PDE4C: variants seen among roughly 807,000 people sequenced by gnomAD.
The protein encoded by PDE4C is phosphodiesterase 4C, also known as 3',5'-cyclic-AMP phosphodiesterase 4C.
PDE4C carries 50 observed loss-of-function variants against 63.9 expected under a neutral mutation model. The observed-to-expected ratio is 0.78, with a 90% CI of 0.62 to 0.99. PDE4C has a LOEUF of 0.99. Among genes scored for constraint, PDE4C ranks in the 50% least tolerant of loss-of-function variants. PDE4C has a pLI of 0.00. For synonymous variants in PDE4C, 377 were observed against 385.1 expected, an observed-to-expected ratio of 0.98 and a Z score of 0.25; for missense variants, 777 against 899.1, an observed-to-expected ratio of 0.86 and a Z score of 1.74.
chr19:18,243,813 T>C (rs146109927), intron 1 of PDE4C, among the ~76,000 whole-genome samples: 1 of 152,212 alleles, frequency 6.6e-6, no homozygotes, highest in East Asian at 1.9e-4. Context: ...TGGGGTGTCC[T>C]CTGGTCTCAG....
intron 1 of PDE4C, chr19:18,248,166 C>T (rs1338849568): frequency 2.2e-6 from 1 of 456,348 alleles, no homozygotes; most frequent in South Asian, 1.5e-5. Flanking sequence ...ATGTCTGGCA[C>T]TTACCACCAC....
In PDE4C at chr19:18,220,929, G is replaced by GT. The variant is rs1433126187; in HGVS notation, c.450-7dup. 6.2e-7 allele frequency: 1 copy of GT among 1,601,396 alleles called. No homozygotes were observed. The highest frequency in any genetic ancestry group is 1.7e-5 in the Admixed American group (1 of 57,220). ...GGTTTCCGACGGGTCCCTGCCTGCG[G>GT]TACAGCAGCCTCAGGCGTGGCTGCT... On this transcript the variant is annotated splice_region_variant and splice_polypyrimidine_tract_variant and intron_variant, in intron 4 of 14. Transcript: ENST00000262805. The surrounding 1 kb of genome is among the most constrained non-coding windows in gnomAD (Gnocchi z 5.1).
At chr19:18,255,181 T>C in the PDE4C span, 10 of 385,780 alleles carry the variant, frequency 2.6e-5, no homozygotes, top group Middle Eastern at 6.5e-4. This position sits in a 1 kb window ranked among gnomAD's most constrained non-coding sequence, Gnocchi z 4.6. Context: ...CCCCCACCCT[T>C]CCGCTTTCTG....
At chr19:18,237,157 G>A (rs1968964768), upstream of PDE4C, 1 of 152,490 alleles carries the variant, frequency 6.6e-6, no homozygotes, top group Non-Finnish European at 1.5e-5. Flanking sequence ...CTGGCCCAGA[G>A]AGCTGTATCT....
chr19:18,220,882 G>A lies in PDE4C; in HGVS notation c.491C>T (p.Pro164Leu), dbSNP rs191605418. Residue 164 changes from proline (P) to leucine (L), a missense_variant, in exon 5 of 15, where the codon CCT becomes CTT. By Grantham distance (98) the Pro-to-Leu change is moderately conservative. Coordinates refer to ENST00000262805, the Ensembl canonical transcript of PDE4C. This position sits in a 1 kb window ranked among gnomAD's most constrained non-coding sequence, Gnocchi z 5.1. ...AGGAACAGGTACTTTACCTGCAGGAGGGAGCTGATTGCTGGATGAAGGGTT... is the reference window on the plus strand; with the variant it reads ...AGGAACAGGTACTTTACCTGCAGGAAGGAGCTGATTGCTGGATGAAGGGTT... 9.3e-5 allele frequency: 150 copies of A among 1,608,758 alleles called. No individual in the cohort carries two copies. The highest frequency in any genetic ancestry group is 1.7e-4 in the Middle Eastern group (1 of 6,048).
chr19:18,230,177 T>C (rs1968821204), upstream of PDE4C, among the ~76,000 whole-genome samples: 1 of 152,212 alleles, frequency 6.6e-6, no homozygotes, highest in Non-Finnish European at 1.5e-5. Context: ...TCCCTGCTGT[T>C]CCCTCAGTAC....
chr19:18,242,889 T>C (rs936637510), intron 1 of PDE4C, among the ~76,000 whole-genome samples: 3 of 150,922 alleles, frequency 2.0e-5, no homozygotes, highest in Admixed American at 6.6e-5. Flanking sequence ...TCTGGGAGAA[T>C]GTTGAGGTTT....
intron 7 of PDE4C, 42 bp from the exon 8 acceptor site, chr19:18,219,439 C>G: frequency 1.3e-6 from 2 of 1,536,008 alleles, no homozygotes; most frequent in Non-Finnish European, 1.7e-6. Flanking sequence ...GCCGATTTCA[C>G]CTGCTGGGGC....
At chr19:18,255,241 T>C in the PDE4C span, 11,066 of 398,898 alleles carry the variant, frequency 0.028, 1,073 homozygotes, top group African/African-American at 0.2. The surrounding 1 kb of genome is among the most constrained non-coding windows in gnomAD (Gnocchi z 4.6). Flanking sequence ...GTATTGTAAT[T>C]CACACCAGCT....
At chr19:18,241,330 G>C (rs566418514) in intron 1 of PDE4C, among the ~76,000 whole-genome samples, 1 of 122,748 alleles carries the variant, frequency 8.1e-6, no homozygotes, top group African/African-American at 3.1e-5. Context: ...GCAGTGGCGC[G>C]ATCTCGGCTC....
chr19:18,212,121 G>A (rs973641041), intron 13 of PDE4C, among the ~76,000 whole-genome samples, 180 bp from the exon 14 acceptor site: 1 of 152,066 alleles, frequency 6.6e-6, no homozygotes, highest in African/African-American at 2.4e-5. Context: ...CTTCAAGTTT[G>A]GCATCCAGTC....
chr19:18,252,799 G>A (rs184133589), upstream of PDE4C, among the ~76,000 whole-genome samples: 1 of 152,018 alleles, frequency 6.6e-6, no homozygotes, highest in Admixed American at 6.6e-5. Context: ...TGCATTTTTA[G>A]TTTCACTGTG....
At chr19:18,211,891 C>T (rs138306350) in exon 14 of PDE4C, 49 of 1,614,222 alleles carry the variant, frequency 3.0e-5, no homozygotes, top group Non-Finnish European at 3.4e-5. Context: ...ACAGGGGCAG[C>T]GGCTTGGTGG....
chr19:18,211,052 TTCC>T, exon 15 of PDE4C: 1 of 1,614,232 alleles, frequency 6.2e-7, no homozygotes, highest in South Asian at 1.1e-5. Context: ...CCTCCTCTTC[TTCC>T]TCCTCATCCT....
At chr19:18,244,250 G>A (rs1455853655) in intron 1 of PDE4C, among the ~76,000 whole-genome samples, 1 of 151,724 alleles carries the variant, frequency 6.6e-6, no homozygotes, top group Admixed American at 6.6e-5. Context: ...TCCTGGGTGG[G>A]GAAGGCCTTC....
exon 2 of PDE4C, chr19:18,222,250 T>C (rs1968516884): frequency 6.2e-7 from 1 of 1,614,056 alleles, no homozygotes; most frequent in Non-Finnish European, 8.5e-7. Context: ...GCCTGCATAA[T>C]CCGGCCCAGG....
chr19:18,217,053 C>G, intron 11 of PDE4C, 158 bp from the exon 12 acceptor site: 1 of 745,094 alleles, frequency 1.3e-6, no homozygotes, highest in South Asian at 2.1e-5. Context: ...CCTGGCGCTT[C>G]CCTGACTGCA....
At chr19:18,251,462 T>A (rs1176971740), upstream of PDE4C, among the ~76,000 whole-genome samples, 1 of 151,236 alleles carries the variant, frequency 6.6e-6, no homozygotes, top group East Asian at 1.9e-4. Context: ...TGAGACAGAG[T>A]CTTACTCTGC....
intron 1 of PDE4C, among the ~76,000 whole-genome samples, chr19:18,232,394 T>C (rs962517924): frequency 9.3e-5 from 14 of 150,648 alleles, no homozygotes; most frequent in African/African-American, 3.5e-4. Flanking sequence ...TGTGTGTGTG[T>C]GTGTGTGTGT....
Sources: gnomAD v4.1 joint callset for allele counts (sites outside exome capture counted in the v4.1 genomes callset) on GRCh38, gnomAD v4.1.1 for gene constraint, Gnocchi (gnomAD v3.1) non-coding constraint, MANE v1.5 for transcripts, NCBI Gene and HGNC (gene_info 2026-07-23, HGNC 2026-07-21) for gene names.